AMOTL1: variants seen among roughly 807,000 people sequenced by gnomAD.
AMOTL1 encodes the protein angiomotin like 1.
In AMOTL1, 45 loss-of-function variants were observed where a neutral mutation model predicts 102.9. The ratio of observed to expected loss-of-function variants is 0.44; its 90% CI spans 0.34 to 0.56. The LOEUF is 0.56. Ranked by LOEUF, AMOTL1 falls within the 20% of genes least tolerant of loss-of-function variation. The pLI is 0.01. For missense variants in AMOTL1, 1,114 were observed against 1,225.6 expected (o/e 0.91, Z 1.36); for synonymous variants, 481 against 484.7 (o/e 0.99, Z 0.10).
chr11:94,854,041 ACTTG>A lies in AMOTL1; in HGVS notation c.1904_1907del (p.Thr635SerfsTer9). ...AGAACAGATGGAGCGGAGACTGCGG[ACTTG>A]GCTGGAGAGAGAGCTGGATGCACTG... is the stretch of plus-strand genomic sequence containing the variant. On this transcript the variant is annotated frameshift_variant, in exon 8 of 13. Coordinates refer to ENST00000433060, the MANE Select transcript of AMOTL1 (RefSeq NM_130847.3). LOFTEE classifies it high-confidence loss of function. 1 of 1,559,670 alleles carries A rather than the reference ACTTG, an allele frequency of 6.4e-7. No individual in the cohort carries two copies. The highest frequency in any genetic ancestry group is 8.7e-7 in the Non-Finnish European group (1 of 1,150,758).
At chr11:94,768,154 G>C (rs565324785), upstream of AMOTL1, among the ~76,000 whole-genome samples, 47 of 152,304 alleles carry the variant, frequency 3.1e-4, 2 homozygotes, top group South Asian at 9.8e-3. Flanking sequence ...CTAAGTCTCA[G>C]GGAGACACGT....
At chr11:94,756,260 T>A (rs1414745432) in intron 3 of AMOTL1, among the ~76,000 whole-genome samples, 2 of 151,586 alleles carry the variant, frequency 1.3e-5, no homozygotes, top group South Asian at 4.2e-4. Context: ...AGCAGCTTTT[T>A]GGGTGCAAAA....
intron 7 of AMOTL1, among the ~76,000 whole-genome samples, chr11:94,852,228 C>A (rs1486160988): frequency 6.6e-6 from 1 of 152,142 alleles, no homozygotes; most frequent in South Asian, 2.1e-4. Flanking sequence ...AAAATCAATC[C>A]CAAGAACAGG....
rs1161603514 is a variant in AMOTL1, at chr11:94,839,805, T to C, written c.1648+8264T>C. ...CATGTTTTTACACTGGGAAGGATCTTGGATGGTAAATGAACAAAGTTTTTA... is the reference window on the plus strand; with the variant it reads ...CATGTTTTTACACTGGGAAGGATCTCGGATGGTAAATGAACAAAGTTTTTA... On this transcript the variant is annotated intron_variant, in intron 6 of 12. Coordinates refer to ENST00000433060, the MANE Select transcript of AMOTL1 (RefSeq NM_130847.3). 2.0e-5 allele frequency among the ~76,000 whole-genome samples: 3 copies of C among 152,210 alleles called. No individual in the cohort carries two copies. The East Asian group carries it at 5.8e-4, about 29-fold the overall frequency.
At chr11:94,707,246 C>CTGTGTGTGTGTGTG (rs1173917311) in intron 1 of AMOTL1, among the ~76,000 whole-genome samples, 1 of 59,918 alleles carries the variant, frequency 1.7e-5, no homozygotes, top group Non-Finnish European at 4.6e-5. Context: ...CTCTCTCTCT[C>CTGTGTGTGTGTGTG]TCTCTGTGTG....
chr11:94,851,483 C>G (rs912785109), intron 7 of AMOTL1, among the ~76,000 whole-genome samples: 1 of 152,250 alleles, frequency 6.6e-6, no homozygotes, highest in Admixed American at 6.5e-5. Flanking sequence ...AGGTCTGCTT[C>G]CAGCATCACT....
intron 1 of AMOTL1, among the ~76,000 whole-genome samples, chr11:94,781,017 T>G (rs7104173): frequency 0.04 from 6,021 of 152,270 alleles, 386 homozygotes; most frequent in African/African-American, 0.13. Flanking sequence ...TCAGTCATCA[T>G]GTCTTAACAT....
Position 94,746,761 on chromosome 11 carries a change from G to GT in AMOTL1, c.136+5780dup, listed in dbSNP as rs550524134. Among the ~76,000 whole-genome samples, 309 of 149,154 alleles carry GT rather than the reference G, an allele frequency of 2.1e-3. 1 individual carries two copies. The highest frequency in any genetic ancestry group is 7.2e-3 in the African/African-American group (282 of 39,170). ...TGGACCCAAGCATCAATGTTATTGT[G>GT]TTTTTTTGTTTGTTTGCTTGGGTTT... On this transcript the variant is annotated intron_variant, in intron 3 of 4. Coordinates refer to the AMOTL1 transcript ENST00000299004.
chr11:94,854,174 G>A, intron 8 of AMOTL1, 92 bp downstream of exon 8: 1 of 1,404,502 alleles, frequency 7.1e-7, no homozygotes, highest in Middle Eastern at 2.2e-4. Context: ...CCTGCACCTT[G>A]CTCCCAGGAT....
rs77627602 is a variant in AMOTL1, at chr11:94,710,482, G to A, written c.-51+3885G>A. ...TGCCATCTCACAAGGTTCGTGTGGC[G>A]ATTATATTTGTAGATGATATTTGTG... On this transcript the variant is annotated intron_variant, in intron 1 of 4. Transcript: ENST00000299004. Among the ~76,000 whole-genome samples, 356 of 152,254 alleles carry A rather than the reference G, an allele frequency of 2.3e-3. 6 individuals are homozygous for A. Among genetic ancestry groups the A allele is most frequent in the East Asian group, 0.019 (99 of 5,186 alleles).
At chr11:94,744,434 A>G (rs1950565711) in intron 3 of AMOTL1, among the ~76,000 whole-genome samples, 1 of 152,172 alleles carries the variant, frequency 6.6e-6, no homozygotes, top group Non-Finnish European at 1.5e-5. Context: ...CTAAGTCAGA[A>G]ACTCTCCATA....
intron 3 of AMOTL1, among the ~76,000 whole-genome samples, chr11:94,753,810 T>C (rs767513811): frequency 6.6e-6 from 1 of 152,224 alleles, no homozygotes; most frequent in Non-Finnish European, 1.5e-5. Flanking sequence ...TACAAAACCT[T>C]AGCTTGACTC....
intron 6 of AMOTL1, among the ~76,000 whole-genome samples, chr11:94,849,323 A>G (rs1952482707): frequency 6.6e-6 from 1 of 152,228 alleles, no homozygotes; most frequent in African/African-American, 2.4e-5. Context: ...AAAAAACAGC[A>G]TATTGCTTTT....
chr11:94,824,524 C>A (rs755190718), intron 4 of AMOTL1, among the ~76,000 whole-genome samples: 5 of 152,216 alleles, frequency 3.3e-5, no homozygotes, highest in Non-Finnish European at 7.3e-5. Flanking sequence ...CTGTTCTCAA[C>A]AACTAGGACC....
intron 1 of AMOTL1, among the ~76,000 whole-genome samples, chr11:94,777,696 T>C (rs951501422): frequency 1.3e-5 from 2 of 152,246 alleles, no homozygotes; most frequent in Non-Finnish European, 2.9e-5. Flanking sequence ...GTCACAATTA[T>C]GCTAATTGAA....
intron 3 of AMOTL1, among the ~76,000 whole-genome samples, chr11:94,815,975 A>G (rs1406905048): frequency 6.6e-6 from 1 of 152,140 alleles, no homozygotes; most frequent in Non-Finnish European, 1.5e-5. Context: ...AGTTGTCTGT[A>G]ATGAAAGAGA....
intron 4 of AMOTL1, 122 bp from the exon 5 acceptor site, chr11:94,829,927 TG>T: frequency 1.0e-6 from 1 of 956,040 alleles, no homozygotes; most frequent in Non-Finnish European, 1.5e-6. Context: ...ACATGAAACT[TG>T]AGATGCAGAA....
intron 6 of AMOTL1, among the ~76,000 whole-genome samples, chr11:94,841,479 C>T (rs1201070424): frequency 6.6e-6 from 1 of 151,920 alleles, no homozygotes; most frequent in African/African-American, 2.4e-5. Context: ...AAAAAGAAGG[C>T]AAAAAAGCAC....
At chr11:94,848,016 C>G (rs1224279755) in intron 6 of AMOTL1, among the ~76,000 whole-genome samples, 1 of 152,180 alleles carries the variant, frequency 6.6e-6, no homozygotes, top group African/African-American at 2.4e-5. Context: ...TGTGGTTCAT[C>G]TCCAGGATGC....
Sources: gnomAD v4.1 joint callset for allele counts (sites outside exome capture counted in the v4.1 genomes callset) on GRCh38, gnomAD v4.1.1 for gene constraint, MANE v1.5 for transcripts, NCBI Gene and HGNC (gene_info 2026-07-23, HGNC 2026-07-21) for gene names.